Variants in FBXL17 observed in about 807,000 individuals in gnomAD.
The protein encoded by FBXL17 is F-box/LRR-repeat protein 17.
Under a neutral mutation model 66.2 loss-of-function variants are expected in FBXL17, and 22 were observed. The ratio of observed to expected loss-of-function variants is 0.33; its 90% CI spans 0.24 to 0.47. The LOEUF (loss-of-function observed/expected upper bound fraction) is 0.47, where lower values mean the gene tolerates loss of function less well. Ranked by LOEUF, FBXL17 falls within the 20% of genes least tolerant of loss-of-function variation. FBXL17 has a pLI of 1.00. For synonymous variants in FBXL17, 474 were observed against 400.5 expected, an observed-to-expected ratio of 1.18 and a Z score of -2.19; for missense variants, 878 against 948.2, an observed-to-expected ratio of 0.93 and a Z score of 0.97.
At chr5:108,349,386 C>G (rs1183942198) in intron 3 of FBXL17, among the ~76,000 whole-genome samples, 2 of 151,922 alleles carry the variant, frequency 1.3e-5, no homozygotes, top group African/African-American at 4.8e-5. Context: ...TCCCTTCTGC[C>G]TATGAATCTT....
chr5:108,157,708 AG>A lies in FBXL17; in HGVS notation c.1745+28408del, dbSNP rs576338870. Among the ~76,000 whole-genome samples, 6 of 152,120 alleles carry A rather than the reference AG, an allele frequency of 3.9e-5. No individual in the cohort carries two copies. In the East Asian group the frequency reaches 1.2e-3, roughly 29 times the overall value. ...ATATTTTAAGAAATATAAATACTTG[AG>A]AAAAAGAAAATATTAAAAAAAACTG... is the stretch of plus-strand genomic sequence containing the variant. On this transcript the variant is annotated intron_variant, in intron 6 of 8. Coordinates refer to ENST00000542267, the MANE Select transcript of FBXL17 (RefSeq NM_001163315.3).
intron 4 of FBXL17, among the ~76,000 whole-genome samples, chr5:108,235,878 A>G (rs1335248593): frequency 6.6e-6 from 1 of 152,244 alleles, no homozygotes; most frequent in Non-Finnish European, 1.5e-5. Context: ...CTGGTTCAAT[A>G]CTGAAGAAAT....
intron 4 of FBXL17, among the ~76,000 whole-genome samples, chr5:108,224,509 G>GTA (rs1755011063): frequency 6.8e-6 from 1 of 147,054 alleles, no homozygotes; most frequent in Non-Finnish European, 1.5e-5. Flanking sequence ...CTCTGTGTGT[G>GTA]TATATATATG....
intron 7 of FBXL17, among the ~76,000 whole-genome samples, chr5:108,012,835 G>A (rs1225688873): frequency 2.0e-5 from 3 of 152,006 alleles, no homozygotes; most frequent in African/African-American, 7.2e-5. Flanking sequence ...GACCAACATG[G>A]AGAAACCCTG....
Position 108,381,453 on chromosome 5 carries a change from G to A in FBXL17, c.239C>T (p.Pro80Leu). 7.6e-7 allele frequency: 1 copy of A among 1,316,386 alleles called. No homozygotes were observed. The highest frequency in any genetic ancestry group is 2.2e-5 in the South Asian group (1 of 44,592). The allele number at this position is 1,316,386 out of a possible 1,614,324, so 81.5% of individuals were successfully genotyped here. A position where few individuals can be genotyped will look rare whatever the true frequency, so the allele number is the denominator to read the frequency against. ...APAPAGPEEE[P>L]PLSPPPRDGA... ...GTCCCGCGGCGGCGGCGAGAGCGGC[G>A]GCTCCTCCTCTGGGCCGGCGGGGGC... The change falls in exon 1 of 9, where the codon CCG (proline) becomes CTG (leucine). Residue 80 changes from proline (P) to leucine (L), a missense_variant. Pro to Leu is a moderately conservative substitution (Grantham distance 98, BLOSUM62 -3). Coordinates refer to ENST00000542267, the MANE Select transcript of FBXL17 (RefSeq NM_001163315.3).
At chr5:107,916,037 T>C (rs1750115129) in intron 7 of FBXL17, among the ~76,000 whole-genome samples, 1 of 152,180 alleles carries the variant, frequency 6.6e-6, no homozygotes, top group Non-Finnish European at 1.5e-5. Context: ...CTTCTTCTGA[T>C]GGGGCAGTCT....
At chr5:108,236,002 T>C (rs1244065718) in intron 4 of FBXL17, among the ~76,000 whole-genome samples, 1 of 150,478 alleles carries the variant, frequency 6.6e-6, no homozygotes, top group Non-Finnish European at 1.5e-5. Context: ...GGAGAGAATT[T>C]CCAAAAAAAT....
At chr5:107,955,499 G>C (rs1166305351) in intron 7 of FBXL17, among the ~76,000 whole-genome samples, 1 of 152,130 alleles carries the variant, frequency 6.6e-6, no homozygotes, top group Non-Finnish European at 1.5e-5. Context: ...ATTGCAGTGC[G>C]CTGTGACAAG....
chr5:107,962,260 T>C (rs1751943429), intron 7 of FBXL17, among the ~76,000 whole-genome samples: 1 of 152,172 alleles, frequency 6.6e-6, no homozygotes, highest in Non-Finnish European at 1.5e-5. Flanking sequence ...CAGTTAAAAA[T>C]TATTTAAACC....
chr5:108,348,728 C>T (rs1452218808), intron 3 of FBXL17, among the ~76,000 whole-genome samples, 198 bp from the exon 4 acceptor site: 4 of 152,140 alleles, frequency 2.6e-5, no homozygotes, highest in South Asian at 2.1e-4. Context: ...AATTTACCCC[C>T]GTTTCAACCA....
chr5:108,185,965 A>G, intron 6 of FBXL17, 152 bp downstream of exon 6: 1 of 583,084 alleles, frequency 1.7e-6, no homozygotes, highest in South Asian at 2.6e-5. Flanking sequence ...CATTAAAAGT[A>G]TAGATCTAGA....
chr5:108,186,946 T>C (rs1402864447), intron 5 of FBXL17, among the ~76,000 whole-genome samples: 1 of 152,112 alleles, frequency 6.6e-6, no homozygotes, highest in Non-Finnish European at 1.5e-5. Flanking sequence ...AATTATGCCA[T>C]TTCTGTATAG....
chr5:107,995,201 A>G (rs962192291), intron 7 of FBXL17, among the ~76,000 whole-genome samples: 2 of 152,208 alleles, frequency 1.3e-5, no homozygotes, highest in Non-Finnish European at 2.9e-5. Context: ...TATCTCCTAC[A>G]CCATTCTGCT....
chr5:108,097,011 G>A (rs1408284259), intron 6 of FBXL17, among the ~76,000 whole-genome samples: 1 of 152,170 alleles, frequency 6.6e-6, no homozygotes, highest in African/African-American at 2.4e-5. Flanking sequence ...GTTTGGCTCT[G>A]TGTCCCCATC....
At chr5:107,916,425 A>T (rs981708211) in intron 7 of FBXL17, among the ~76,000 whole-genome samples, 2 of 152,176 alleles carry the variant, frequency 1.3e-5, no homozygotes, top group Non-Finnish European at 1.5e-5. Context: ...GTCTTTTCTG[A>T]CATTATAGTT....
At chr5:108,169,482 C>T (rs1752529349) in intron 6 of FBXL17, among the ~76,000 whole-genome samples, 2 of 152,174 alleles carry the variant, frequency 1.3e-5, no homozygotes, top group Admixed American at 6.5e-5. Flanking sequence ...ATTGTCTTGA[C>T]ATATTTTGTC....
chr5:108,287,177 T>C (rs566286834), intron 4 of FBXL17, among the ~76,000 whole-genome samples: 2 of 151,988 alleles, frequency 1.3e-5, no homozygotes, highest in East Asian at 3.9e-4. Flanking sequence ...TATTGAAAGA[T>C]AACCTAAGAA....
intron 7 of FBXL17, among the ~76,000 whole-genome samples, chr5:107,889,230 C>T (rs1050460305): frequency 6.6e-6 from 1 of 152,144 alleles, no homozygotes; most frequent in African/African-American, 2.4e-5. Context: ...TATTAGATTA[C>T]AGCAAATAAT....
intron 4 of FBXL17, among the ~76,000 whole-genome samples, chr5:108,288,325 G>A (rs1288720617): frequency 6.6e-6 from 1 of 151,248 alleles, no homozygotes; most frequent in African/African-American, 2.4e-5. Flanking sequence ...AGTTGTGAGA[G>A]TTACCAAAAT....
Sources: gnomAD v4.1 joint callset for allele counts (sites outside exome capture counted in the v4.1 genomes callset) on GRCh38, gnomAD v4.1.1 for gene constraint, MANE v1.5 for transcripts, NCBI Gene and HGNC (gene_info 2026-07-23, HGNC 2026-07-21) for gene names.